Variants in CHL1 observed in about 807,000 individuals in gnomAD.
CHL1 encodes the protein cell adhesion molecule L1 like.
CHL1 carries 96 observed loss-of-function variants against 141.9 expected under a neutral mutation model. The observed-to-expected ratio is 0.68, with a 90% confidence interval of 0.57 to 0.80. The LOEUF (loss-of-function observed/expected upper bound fraction) is 0.80. CHL1 is among the 30% of genes least tolerant of loss of function. The pLI is 0.00. For missense variants in CHL1, 1,820 were observed against 1,457.2 expected (o/e 1.25, Z -4.05); for synonymous variants, 613 against 502.2 (o/e 1.22, Z -2.95).
rs1230463926 is a variant in CHL1, at chr3:307,761, C to CG, written c.-94-11922_-94-11921insG. Among the ~76,000 whole-genome samples the CG allele has an allele frequency of 2.5e-3, 380 of 152,176 alleles. 3 individuals are homozygous for CG. The highest frequency in any genetic ancestry group is 8.5e-3 in the African/African-American group (351 of 41,510). On this transcript the variant is annotated intron_variant, in intron 2 of 27. Coordinates refer to ENST00000256509, the MANE Select transcript of CHL1 (RefSeq NM_006614.4). ...TTACGAAATAAAGATACCTGAAGTA[C>CG]ATGTAGTAACCAGTGCTGCTACATT...
chr3:353,840 T>C lies in CHL1; in HGVS notation c.1034-800T>C, dbSNP rs183254990. Among the ~76,000 whole-genome samples, 229 of 152,278 alleles carry C rather than the reference T, an allele frequency of 1.5e-3. 4 individuals carry two copies. Among genetic ancestry groups the C allele is most frequent in the Admixed American group, 0.014 (210 of 15,286 alleles). On this transcript the variant is annotated intron_variant, in intron 10 of 27. Coordinates refer to ENST00000256509, the MANE Select transcript of CHL1 (RefSeq NM_006614.4). ...TTGTGCAATTTTCTCTGAAATCAAA[T>C]TATCCAAACCATCAACACTTTAATC... is the stretch of plus-strand genomic sequence containing the variant.
At chr3:385,565 C>T (rs1707587873) in intron 19 of CHL1, 2 of 152,428 alleles carry the variant, frequency 1.3e-5, no homozygotes. Flanking sequence ...TGCTGTGGCT[C>T]ATGCCTGTAA....
intron 2 of CHL1, among the ~76,000 whole-genome samples, chr3:312,644 A>T (rs1699845757): frequency 2.6e-5 from 4 of 152,240 alleles, no homozygotes; most frequent in African/African-American, 9.6e-5. Context: ...TGATAATCAC[A>T]TAAAAAGGAG....
chr3:243,244 A>G (rs1260839323), intron 1 of CHL1, among the ~76,000 whole-genome samples: 1 of 152,198 alleles, frequency 6.6e-6, no homozygotes, highest in Non-Finnish European at 1.5e-5. Context: ...GACTGTCGTA[A>G]CACACATAGG....
chr3:271,958 G>T lies in CHL1; in HGVS notation c.-95+27266G>T, dbSNP rs540485846. The stretch of plus-strand genomic sequence containing the variant: ...ATCTCTAGCTATTAAAAATCACATT[G>T]TGATAAAATACTCTTTTGATAGGTG... On this transcript the variant is annotated intron_variant, in intron 2 of 27. Transcript: ENST00000256509. 9.9e-5 allele frequency among the ~76,000 whole-genome samples: 15 copies of T among 152,262 alleles called. 1 individual carries two copies. The highest frequency in any genetic ancestry group is 3.6e-4 in the African/African-American group (15 of 41,552).
At chr3:269,908 A>G (rs1368360354) in intron 2 of CHL1, among the ~76,000 whole-genome samples, 1 of 152,144 alleles carries the variant, frequency 6.6e-6, no homozygotes, top group Non-Finnish European at 1.5e-5. Context: ...CTACAGTGAC[A>G]AAAGCAGCAA....
intron 15 of CHL1, chr3:373,729 G>T (rs555382452): frequency 2.3e-4 from 35 of 152,380 alleles, no homozygotes; most frequent in Admixed American, 2.3e-3. Context: ...TGTGATGCTA[G>T]ACCCAGTGGC....
At chr3:230,894 G>C (rs900981596) in intron 1 of CHL1, among the ~76,000 whole-genome samples, 2 of 152,078 alleles carry the variant, frequency 1.3e-5, no homozygotes, top group Non-Finnish European at 2.9e-5. Context: ...GATGATTTTT[G>C]AGACTGTTGT....
intron 15 of CHL1, among the ~76,000 whole-genome samples, chr3:371,905 C>T (rs190589811): frequency 5.9e-5 from 9 of 152,242 alleles, no homozygotes; most frequent in Admixed American, 2.0e-4. Context: ...GCTGAAAATT[C>T]TTTTCTTTAA....
chr3:341,564 G>A (rs562829707), intron 6 of CHL1, among the ~76,000 whole-genome samples: 1 of 152,236 alleles, frequency 6.6e-6, no homozygotes, highest in African/African-American at 2.4e-5. Flanking sequence ...GAAAATACAA[G>A]TGTTAATTAG....
chr3:198,041 G>A (rs534735292), intron 1 of CHL1: 34 of 312,780 alleles, frequency 1.1e-4, no homozygotes, highest in African/African-American at 7.0e-4. Flanking sequence ...CAGGGCCGGG[G>A]AACTCCTGCG....
At chr3:257,136 A>C (rs6798880) in intron 2 of CHL1, among the ~76,000 whole-genome samples, 57,452 of 151,938 alleles carry the variant, frequency 0.38, 11,087 homozygotes, top group South Asian at 0.6. Flanking sequence ...TTCAGTATAT[A>C]CCAGATTATG....
chr3:332,494 T>C (rs1254145782), intron 5 of CHL1, among the ~76,000 whole-genome samples: 1 of 152,198 alleles, frequency 6.6e-6, no homozygotes, highest in Non-Finnish European at 1.5e-5. Flanking sequence ...AGTAAGTGAA[T>C]GGATTTCCAT....
At position 322,672 on chromosome 3, in the gene CHL1, T is replaced by TTA. The variant is rs1199118265; in HGVS notation, c.91+2820_91+2821dup. Among the ~76,000 whole-genome samples, 932 of 127,808 alleles carry TTA rather than the reference T, an allele frequency of 7.3e-3. 8 individuals carry two copies. Among genetic ancestry groups the TTA allele is most frequent in the East Asian group, 0.031 (140 of 4,506 alleles). 83.8% of individuals were successfully genotyped at this position (127,808 alleles called of 152,430 possible). A position where few individuals can be genotyped will look rare whatever the true frequency, so the allele number is the denominator to read the frequency against. ...TATATATATATATATATATATATAA[T>TTA]TATATATATATATATAAAACGAATA... On this transcript the variant is annotated intron_variant, in intron 3 of 27. Coordinates refer to ENST00000256509, the MANE Select transcript of CHL1 (RefSeq NM_006614.4).
rs755316863 is a variant in CHL1, at chr3:341,943, A to G, written c.540A>G (p.Val180=). The change falls in exon 7 of 28, where the codon GTA becomes GTG. Residue 180 remains valine, a synonymous_variant. Coordinates refer to ENST00000256509, the MANE Select transcript of CHL1 (RefSeq NM_006614.4). ...AACACATCGAACAAGATGAAAGAGT[A>G]TACATGAGCCAAAAGGGAGATCTAT... is the stretch of plus-strand genomic sequence containing the variant. ...ELEHIEQDER[V]YMSQKGDLYF... is the part of the protein sequence containing the mutation. The G allele has an allele frequency of 8.4e-5, 135 of 1,612,712 alleles. 1 individual carries two copies. The East Asian group carries it at 2.6e-3, about 31-fold the overall frequency.
rs192220357 is a variant in CHL1 at position 351,687 on chromosome 3, A to T, written c.1033+2144A>T. ...ACACCCATTGTGCTTAAGTAAAATC[A>T]TGGATTCGATTGGATTCTTTCTGTA... On this transcript the variant is annotated intron_variant, in intron 10 of 27. Transcript: ENST00000256509. Among the ~76,000 whole-genome samples, 80 of 152,256 alleles carry T rather than the reference A, an allele frequency of 5.3e-4. No homozygotes were observed. In the East Asian group the frequency reaches 9.8e-3, roughly 19 times the overall value.
At chr3:330,367 CAT>C (rs1335658543) in intron 5 of CHL1, among the ~76,000 whole-genome samples, 2 of 151,810 alleles carry the variant, frequency 1.3e-5, no homozygotes, top group African/African-American at 4.8e-5. Flanking sequence ...ATTTTAAAGA[CAT>C]ATTAGAAAAA....
chr3:238,889 C>A (rs985132857), intron 1 of CHL1, among the ~76,000 whole-genome samples: 1 of 152,126 alleles, frequency 6.6e-6, no homozygotes, highest in East Asian at 1.9e-4. Flanking sequence ...GCCAAAATCG[C>A]GCCATTGCAC....
chr3:365,345 A>T (rs572873181), intron 14 of CHL1, among the ~76,000 whole-genome samples: 1 of 152,196 alleles, frequency 6.6e-6, no homozygotes, highest in Non-Finnish European at 1.5e-5. Context: ...GTTTCAAACT[A>T]TCACTCCCTG....
Sources: allele counts gnomAD v4.1 joint callset (sites outside exome capture counted in the v4.1 genomes callset), GRCh38; gene constraint gnomAD v4.1.1; transcripts MANE v1.5; gene names NCBI Gene and HGNC (gene_info 2026-07-23, HGNC 2026-07-21).